CBLB: variants seen among roughly 807,000 people sequenced by gnomAD.
CBLB encodes Cbl proto-oncogene B.
Under a neutral mutation model 104.9 loss-of-function variants are expected in CBLB, and 31 were observed. That is an observed-to-expected ratio of 0.30 (90% CI 0.22 to 0.40). CBLB has a LOEUF of 0.40. CBLB is among the 10% of genes least tolerant of loss of function. The pLI is 1.00. For synonymous variants in CBLB, 440 were observed against 422.6 expected, an observed-to-expected ratio of 1.04 and a Z score of -0.51; for missense variants, 1,062 against 1,214.6, an observed-to-expected ratio of 0.87 and a Z score of 1.87.
Position 105,786,051 on chromosome 3 carries a change from G to A in CBLB, c.420-9509C>T, listed in dbSNP as rs938513970. ...AATCTATTCTCACACATAACACTGT[G>A]TGAGAGGATCGGGGGGGGGAAAGTG... On this transcript the variant is annotated intron_variant, in intron 3 of 18. Coordinates refer to ENST00000394030, the MANE Select transcript of CBLB (RefSeq NM_170662.5). Among the ~76,000 whole-genome samples the A allele has an allele frequency of 3.6e-5, 3 of 83,756 alleles. No individual in the cohort carries two copies. The Admixed American group carries it at 4.1e-4, about 11-fold the overall frequency. 54.9% of individuals were successfully genotyped at this position (83,756 alleles called of 152,430 possible). A position where few individuals can be genotyped will look rare whatever the true frequency, so the allele number is the denominator to read the frequency against.
intron 13 of CBLB, among the ~76,000 whole-genome samples, chr3:105,686,604 TTTTC>T: frequency 1.3e-5 from 2 of 152,258 alleles, no homozygotes; most frequent in Admixed American, 1.3e-4. Context: ...TTTTAGGGGC[TTTTC>T]TTTGTGACCA....
intron 6 of CBLB, among the ~76,000 whole-genome samples, chr3:105,742,215 G>C (rs2152884714): frequency 6.6e-6 from 1 of 152,240 alleles, no homozygotes; most frequent in African/African-American, 2.4e-5. Context: ...TAATATTCGA[G>C]CTGCTGTATG....
chr3:105,843,102 G>A (rs1194644199), intron 3 of CBLB, among the ~76,000 whole-genome samples: 1 of 152,094 alleles, frequency 6.6e-6, no homozygotes, highest in African/African-American at 2.4e-5. Context: ...CTAGTACAGA[G>A]GCAACGCTGA....
At chr3:105,738,866 C>A (rs1407146591) in intron 7 of CBLB, among the ~76,000 whole-genome samples, 2 of 152,066 alleles carry the variant, frequency 1.3e-5, no homozygotes, top group Non-Finnish European at 2.9e-5. Context: ...ACTTGCCATA[C>A]AATTACTATG....
At position 105,857,401 on chromosome 3, in the gene CBLB, CAA is replaced by C. The variant is rs573295815; in HGVS notation, c.169-3739_169-3738del. 3.9e-3 allele frequency among the ~76,000 whole-genome samples: 586 copies of C among 152,204 alleles called. 5 individuals carry two copies. The highest frequency in any genetic ancestry group is 0.013 in the African/African-American group (537 of 41,536). On this transcript the variant is annotated intron_variant, in intron 2 of 18. Transcript: ENST00000394030. The stretch of plus-strand genomic sequence containing the variant: ...ACATACTTCCTGATTCAAAGAGATG[CAA>C]AGAGTCTGGCAGAAGAGACGTAGTT...
intron 3 of CBLB, among the ~76,000 whole-genome samples, chr3:105,837,128 C>T (rs772000916): frequency 1.1e-4 from 16 of 152,138 alleles, no homozygotes; most frequent in Non-Finnish European, 5.9e-5. Flanking sequence ...AATCTTCATC[C>T]GTATTAAGGA....
At chr3:105,817,051 A>C (rs2085159951) in intron 3 of CBLB, among the ~76,000 whole-genome samples, 3 of 152,208 alleles carry the variant, frequency 2.0e-5, no homozygotes, top group Non-Finnish European at 2.9e-5. Flanking sequence ...GAGAATTAGC[A>C]TGACATGTTT....
chr3:105,695,034 C>A (rs2068165502), intron 12 of CBLB, among the ~76,000 whole-genome samples: 1 of 151,800 alleles, frequency 6.6e-6, no homozygotes, highest in Non-Finnish European at 1.5e-5. Context: ...TGATATTGAG[C>A]ATTGGAAGTC....
chr3:105,715,276 G>A (rs1201512480), intron 10 of CBLB, among the ~76,000 whole-genome samples: 2 of 152,128 alleles, frequency 1.3e-5, no homozygotes, highest in Non-Finnish European at 2.9e-5. Context: ...TGAAAACTCA[G>A]GCAACGATAC....
Position 105,702,492 on chromosome 3 carries a change from A to AAC in CBLB, c.1594-34_1594-33insGT, listed in dbSNP as rs769613238. 2.1e-5 allele frequency: 31 copies of AAC among 1,477,550 alleles called. No individual in the cohort carries two copies. The East Asian group carries it at 5.8e-4, about 28-fold the overall frequency. The allele number at this position is 1,477,550 out of a possible 1,614,324, so 91.5% of individuals were successfully genotyped here. A position where few individuals can be genotyped will look rare whatever the true frequency, so the allele number is the denominator to read the frequency against. On this transcript the variant is annotated intron_variant, in intron 11 of 18. Coordinates refer to ENST00000394030, the MANE Select transcript of CBLB (RefSeq NM_170662.5). The stretch of plus-strand genomic sequence containing the variant: ...AACAGAAGAGAAAAAAAAAAAAAAA[A>AAC]AAAAAAACTAAAGGTTGTACCATGC...
intron 10 of CBLB, among the ~76,000 whole-genome samples, chr3:105,717,234 AAGATG>A (rs1440632576): frequency 2.6e-5 from 4 of 152,170 alleles, no homozygotes; most frequent in Non-Finnish European, 5.9e-5. Flanking sequence ...TGGATCACTG[AAGATG>A]AAAACCCATT....
chr3:105,686,665 T>C (rs1045607200), intron 13 of CBLB, among the ~76,000 whole-genome samples: 7 of 152,110 alleles, frequency 4.6e-5, no homozygotes, highest in Non-Finnish European at 1.0e-4. Context: ...GTTTCAACCA[T>C]ATTATCTAAG....
intron 3 of CBLB, among the ~76,000 whole-genome samples, chr3:105,796,538 T>C (rs922777770): frequency 2.0e-5 from 3 of 152,120 alleles, no homozygotes; most frequent in Non-Finnish European, 4.4e-5. Context: ...TTAGCAAAGA[T>C]TTCATGAAGA....
At chr3:105,703,896 A>G in intron 11 of CBLB, 92 bp downstream of exon 11, 1 of 1,239,810 alleles carries the variant, frequency 8.1e-7, no homozygotes, top group Non-Finnish European at 1.2e-6. Context: ...ATTAAAAGCA[A>G]AAAAATATGA....
intron 5 of CBLB, among the ~76,000 whole-genome samples, chr3:105,747,072 T>C (rs889533469): frequency 6.6e-6 from 1 of 152,192 alleles, no homozygotes; most frequent in African/African-American, 2.4e-5. Flanking sequence ...TATCATTCTC[T>C]CTTTAATCTG....
intron 3 of CBLB, among the ~76,000 whole-genome samples, chr3:105,792,109 C>A (rs942537483): frequency 1.3e-5 from 2 of 152,074 alleles, no homozygotes; most frequent in Non-Finnish European, 2.9e-5. Context: ...AGGTCCCACC[C>A]CAGAATTGCT....
chr3:105,756,080 C>T (rs1576916184), intron 4 of CBLB, among the ~76,000 whole-genome samples: 1 of 152,094 alleles, frequency 6.6e-6, no homozygotes, highest in East Asian at 1.9e-4. Context: ...TGTATTTGTT[C>T]ATGGTTTTTA....
intron 3 of CBLB, among the ~76,000 whole-genome samples, chr3:105,818,592 CATGA>C (rs1254781881): frequency 6.6e-6 from 1 of 152,030 alleles, no homozygotes; most frequent in African/African-American, 2.4e-5. Flanking sequence ...GCAAAAAAAT[CATGA>C]ATAATTTTTA....
At chr3:105,867,363 G>C (rs145778643) in intron 2 of CBLB, 47 bp downstream of exon 2, 2 of 1,545,926 alleles carry the variant, frequency 1.3e-6, no homozygotes, top group Admixed American at 3.3e-5. Context: ...AGAAACCACA[G>C]ACAAAGTGAA....
Sources: gnomAD v4.1 joint callset for allele counts (sites outside exome capture counted in the v4.1 genomes callset) on GRCh38, gnomAD v4.1.1 for gene constraint, MANE v1.5 for transcripts, NCBI Gene and HGNC (gene_info 2026-07-23, HGNC 2026-07-21) for gene names.